The following IKBKB-DT variants were observed in gnomAD, a reference collection of about 807,000 sequenced individuals.
IKBKB-DT encodes the protein IKBKB divergent transcript.
At position 42,253,474 on chromosome 8, in the gene IKBKB-DT, T is replaced by C. The variant is rs117311778; in HGVS notation, n.1529+9855A>G. On this transcript the variant is annotated intron_variant and non_coding_transcript_variant, in intron 3 of 3. Transcript: ENST00000518213. Reference sequence around the variant, plus strand: ...GCAGCTTCATGAAAAGAGCAGTTTGTTCTTAGTGATTCCAAGTCAGAAGGG... The same window carrying C: ...GCAGCTTCATGAAAAGAGCAGTTTGCTCTTAGTGATTCCAAGTCAGAAGGG... Among the ~76,000 whole-genome samples, 38 of 152,270 alleles carry C rather than the reference T, an allele frequency of 2.5e-4. 1 individual carries two copies. Among genetic ancestry groups the C allele is most frequent in the Non-Finnish European group, 4.7e-4 (32 of 68,026 alleles).
At position 42,239,614 on chromosome 8, in the gene IKBKB-DT, T is replaced by TTTTATATATATATATATATATATA. The variant is rs1554502579; in HGVS notation, n.1530-5756_1530-5755insTATATATATATATATATATATAAA. The stretch of plus-strand genomic sequence containing the variant: ...CCAACCAATTTTTGTAAAAGGCAAT[T>TTTTATATATATATATATATATATA]TATATATATATATATATATATTTAT... On this transcript the variant is annotated intron_variant and non_coding_transcript_variant, in intron 3 of 3. Transcript: ENST00000518213. Among the ~76,000 whole-genome samples, 138 of 19,684 alleles carry TTTTATATATATATATATATATATA rather than the reference T, an allele frequency of 7.0e-3. 2 individuals are homozygous for TTTTATATATATATATATATATATA. The highest frequency in any genetic ancestry group is 0.01 in the Non-Finnish European group (91 of 8,944). The allele number at this position is 19,684 out of a possible 152,430, so 12.9% of individuals were successfully genotyped here. A position where few individuals can be genotyped will look rare whatever the true frequency, so the allele number is the denominator to read the frequency against.
intron 1 of IKBKB-DT, among the ~76,000 whole-genome samples, chr8:42,268,716 G>A (rs1563280213): frequency 6.6e-6 from 1 of 150,904 alleles, no homozygotes; most frequent in Non-Finnish European, 1.5e-5. Context: ...ATAGGCACCT[G>A]CCACCACGCC....
At chr8:42,253,209 G>T (rs1017542184) in intron 3 of IKBKB-DT, among the ~76,000 whole-genome samples, 2 of 152,112 alleles carry the variant, frequency 1.3e-5, no homozygotes, top group African/African-American at 2.4e-5. Context: ...TATCATTGCA[G>T]GTCTTAGACA....
chr8:42,244,156 T>A (rs1323775633), intron 3 of IKBKB-DT, among the ~76,000 whole-genome samples: 1 of 152,268 alleles, frequency 6.6e-6, no homozygotes, highest in Non-Finnish European at 1.5e-5. Context: ...AGTTTTGCCA[T>A]GCTTTGAGGT....
chr8:42,263,389 A>G (rs891509953), exon 3 of IKBKB-DT: 1 of 152,224 alleles, frequency 6.6e-6, no homozygotes, highest in African/African-American at 2.4e-5. Context: ...AGGGTGTCCC[A>G]GAGATCCCAT....
At chr8:42,238,813 C>G (rs1394127592) in intron 3 of IKBKB-DT, among the ~76,000 whole-genome samples, 1 of 152,182 alleles carries the variant, frequency 6.6e-6, no homozygotes, top group East Asian at 1.9e-4. Flanking sequence ...TTTCACACCC[C>G]TGTGATTTCA....
At chr8:42,239,787 A>G (rs560415605) in intron 3 of IKBKB-DT, among the ~76,000 whole-genome samples, 1 of 150,824 alleles carries the variant, frequency 6.6e-6, no homozygotes, top group Admixed American at 6.6e-5. Context: ...CTGGGAGTAC[A>G]GGCACCACCC....
At chr8:42,257,305 C>A (rs1449031516) in intron 3 of IKBKB-DT, among the ~76,000 whole-genome samples, 3 of 150,084 alleles carry the variant, frequency 2.0e-5, no homozygotes, top group Non-Finnish European at 3.0e-5. Flanking sequence ...CAATTGAGAC[C>A]ATCTTGGCCA....
chr8:42,252,183 A>T (rs1210850089), intron 3 of IKBKB-DT, among the ~76,000 whole-genome samples: 1 of 152,192 alleles, frequency 6.6e-6, no homozygotes, highest in African/African-American at 2.4e-5. Flanking sequence ...ATAATAAAAG[A>T]TTAGGGTGGG....
chr8:42,256,917 A>C (rs957102055), intron 3 of IKBKB-DT, among the ~76,000 whole-genome samples: 1 of 152,218 alleles, frequency 6.6e-6, no homozygotes, highest in African/African-American at 2.4e-5. Flanking sequence ...TTAGGAATGC[A>C]TCAAAATAAA....
intron 1 of IKBKB-DT, among the ~76,000 whole-genome samples, chr8:42,266,610 C>G (rs1209005939): frequency 6.6e-6 from 1 of 152,184 alleles, no homozygotes; most frequent in African/African-American, 2.4e-5. Flanking sequence ...CTGAGACCTA[C>G]TGGGCTGCAT....
chr8:42,248,222 T>A (rs1310571346), intron 3 of IKBKB-DT, among the ~76,000 whole-genome samples: 2 of 152,118 alleles, frequency 1.3e-5, no homozygotes, highest in African/African-American at 4.8e-5. Flanking sequence ...CAGGTATATC[T>A]CACACTTTAT....
intron 3 of IKBKB-DT, among the ~76,000 whole-genome samples, chr8:42,251,839 A>AAAAAAG (rs1554503177): frequency 6.6e-6 from 1 of 151,312 alleles, no homozygotes; most frequent in African/African-American, 2.4e-5. Context: ...AAAAAAAAAA[A>AAAAAAG]AAAAGAAAAG....
At chr8:42,256,873 T>C (rs1249583968) in intron 3 of IKBKB-DT, among the ~76,000 whole-genome samples, 4 of 152,124 alleles carry the variant, frequency 2.6e-5, no homozygotes, top group African/African-American at 7.2e-5. Flanking sequence ...CACATAAGCA[T>C]GGTGGTTCAT....
At chr8:42,234,867 T>C (rs1585457407) in intron 3 of IKBKB-DT, among the ~76,000 whole-genome samples, 1 of 152,190 alleles carries the variant, frequency 6.6e-6, no homozygotes, top group African/African-American at 2.4e-5. Context: ...TGACCTCAGG[T>C]GATCTGCCCG....
intron 3 of IKBKB-DT, among the ~76,000 whole-genome samples, chr8:42,262,291 A>C (rs915574338): frequency 1.3e-5 from 2 of 151,622 alleles, no homozygotes; most frequent in African/African-American, 4.8e-5. Flanking sequence ...ATAATAAAAA[A>C]AAAATAAATA....
intron 1 of IKBKB-DT, among the ~76,000 whole-genome samples, chr8:42,268,723 C>T (rs938519924): frequency 1.8e-4 from 28 of 151,446 alleles, no homozygotes; most frequent in Admixed American, 1.1e-3. Context: ...CCTGCCACCA[C>T]GCCCAGCTAA....
chr8:42,243,397 G>A (rs375437500), intron 3 of IKBKB-DT, among the ~76,000 whole-genome samples: 2 of 152,134 alleles, frequency 1.3e-5, no homozygotes, highest in East Asian at 3.9e-4. Context: ...GGGAAAAGGA[G>A]GAAAAAGAAG....
intron 3 of IKBKB-DT, among the ~76,000 whole-genome samples, chr8:42,234,019 A>G (rs567322664): frequency 8.5e-5 from 13 of 152,212 alleles, no homozygotes; most frequent in African/African-American, 3.1e-4. Flanking sequence ...CATAATTTCT[A>G]ATCTTGTGGC....
Sources: allele counts gnomAD v4.1 joint callset (sites outside exome capture counted in the v4.1 genomes callset), GRCh38; gene constraint gnomAD v4.1.1; transcripts MANE v1.5; gene names NCBI Gene and HGNC (gene_info 2026-07-23, HGNC 2026-07-21).